Variants in SGK1 observed in about 807,000 individuals in gnomAD.
The protein encoded by SGK1 is serum/glucocorticoid regulated kinase 1.
In SGK1, 26 loss-of-function variants were observed where a neutral mutation model predicts 64.2. The ratio of observed to expected loss-of-function variants is 0.40; its 90% CI spans 0.30 to 0.56. SGK1 has a LOEUF of 0.56. Ranked by LOEUF, SGK1 falls within the 20% of genes least tolerant of loss-of-function variation. The pLI is 0.38. For synonymous variants in SGK1, 265 were observed against 239.7 expected (o/e 1.11, Z -0.98); for missense variants, 519 against 645.6 (o/e 0.80, Z 2.12).
rs768135465 is a variant in SGK1, at chr6:134,170,249, A to G, written c.*19T>C. 1.4e-5 allele frequency: 22 copies of G among 1,581,576 alleles called. No homozygotes were observed. The highest frequency in any genetic ancestry group is 3.4e-4 in the Middle Eastern group (2 of 5,898). ...CGGAAACACACATAAAATCCTTTAA[A>G]ACCAAGCCCTAACAGGGTTCAGAGG... On this transcript the variant is annotated 3_prime_UTR_variant, in exon 14 of 14. Coordinates refer to ENST00000367858, the MANE Select transcript of SGK1 (RefSeq NM_001143676.3).
chr6:134,239,448 G>A (rs1294953144), intron 2 of SGK1, among the ~76,000 whole-genome samples: 1 of 152,206 alleles, frequency 6.6e-6, no homozygotes, highest in Non-Finnish European at 1.5e-5. Flanking sequence ...TGCTACCTCT[G>A]TCTAACCTTT....
rs903305020 is a variant in SGK1, at chr6:134,248,755, C to G, written c.285+13178G>C. 4.6e-5 allele frequency among the ~76,000 whole-genome samples: 7 copies of G among 152,224 alleles called. No homozygotes were observed. The South Asian group carries it at 8.3e-4, about 18-fold the overall frequency. On this transcript the variant is annotated intron_variant, in intron 2 of 13. Coordinates refer to ENST00000367858, the MANE Select transcript of SGK1 (RefSeq NM_001143676.3). Reference sequence around the variant, plus strand: ...ACATAGAGAACTCCCTAACTCTGATCCAGGTAGGCTCTCCCTCATCAAGAG... The same window carrying G: ...ACATAGAGAACTCCCTAACTCTGATGCAGGTAGGCTCTCCCTCATCAAGAG...
Position 134,314,792 on chromosome 6 carries a change from G to GTT in SGK1, c.69+2598_69+2599dup, listed in dbSNP as rs61647029. Among the ~76,000 whole-genome samples the GTT allele has an allele frequency of 8.4e-3, 1,162 of 138,838 alleles. 15 individuals carry two copies. Among genetic ancestry groups the GTT allele is most frequent in the African/African-American group, 0.028 (1,068 of 37,850 alleles). The allele number at this position is 138,838 out of a possible 152,430, so 91.1% of individuals were successfully genotyped here. ...TTAATTAGCCCTAATAGACCCTATG[G>GTT]TTTTTTTTTTTTTTTTTCCAAAATC... is the stretch of plus-strand genomic sequence containing the variant. On this transcript the variant is annotated intron_variant, in intron 1 of 13. Transcript: ENST00000367858.
intron 1 of SGK1, among the ~76,000 whole-genome samples, chr6:134,301,995 G>A (rs1211087128): frequency 6.6e-6 from 1 of 152,174 alleles, no homozygotes; most frequent in Non-Finnish European, 1.5e-5. Context: ...ACAGAAGGAT[G>A]GAATGCCCTC....
At chr6:134,297,360 T>C in intron 1 of SGK1, 1 of 929,000 alleles carries the variant, frequency 1.1e-6, no homozygotes, top group Non-Finnish European at 1.7e-6. Context: ...GGCCTCCAGC[T>C]CAGACAGCTT....
intron 3 of SGK1, among the ~76,000 whole-genome samples, chr6:134,200,001 C>G (rs1434992858): frequency 6.6e-6 from 1 of 152,124 alleles, no homozygotes; most frequent in Non-Finnish European, 1.5e-5. Flanking sequence ...AATAATAGTA[C>G]TGGGGAAAAA....
intron 1 of SGK1, among the ~76,000 whole-genome samples, chr6:134,316,538 G>A (rs1321024029): frequency 2.0e-5 from 3 of 151,972 alleles, no homozygotes; most frequent in Non-Finnish European, 2.9e-5. Context: ...TAAATTTGCA[G>A]ATTTACACAG....
At chr6:134,191,692 G>A (rs1775512368) in intron 3 of SGK1, among the ~76,000 whole-genome samples, 1 of 149,996 alleles carries the variant, frequency 6.7e-6, no homozygotes, top group East Asian at 2.0e-4. Context: ...TTTTTGAGAC[G>A]AAGTCTCACT....
At chr6:134,200,750 A>G (rs763503873) in intron 3 of SGK1, among the ~76,000 whole-genome samples, 1 of 152,060 alleles carries the variant, frequency 6.6e-6, no homozygotes, top group Non-Finnish European at 1.5e-5. Flanking sequence ...CAAGAATACA[A>G]GAAATTAGCT....
intron 3 of SGK1, among the ~76,000 whole-genome samples, chr6:134,198,150 C>A (rs1386493407): frequency 6.6e-6 from 1 of 152,158 alleles, no homozygotes; most frequent in African/African-American, 2.4e-5. Context: ...ACTGATGACA[C>A]TATGAGACTT....
Position 134,171,348 on chromosome 6 carries a change from G to A in SGK1, c.1168-170C>T, listed in dbSNP as rs539693807. ...TATTTAAGTGTCTACTTTGCAACCC[G>A]TGTGTGTGTTTGTGTGTGTGTGTGT... On this transcript the variant is annotated intron_variant, in intron 11 of 13. Transcript: ENST00000367858. 6.5e-5 allele frequency: 44 copies of A among 679,552 alleles called. No individual in the cohort carries two copies. The East Asian group carries it at 8.9e-4, about 14-fold the overall frequency. The allele number at this position is 679,552 out of a possible 1,614,324, so 42.1% of individuals were successfully genotyped here.
At chr6:134,220,534 A>G (rs1776074061) in intron 2 of SGK1, among the ~76,000 whole-genome samples, 1 of 152,210 alleles carries the variant, frequency 6.6e-6, no homozygotes, top group Non-Finnish European at 1.5e-5. Context: ...AGAAAATTTA[A>G]GTAAAACTTA....
chr6:134,306,550 G>T (rs1777537747), intron 1 of SGK1, among the ~76,000 whole-genome samples: 1 of 152,004 alleles, frequency 6.6e-6, no homozygotes, highest in South Asian at 2.1e-4. Context: ...TAGAGACAGG[G>T]TCTCACTCTA....
intron 1 of SGK1, among the ~76,000 whole-genome samples, chr6:134,263,378 A>G (rs904325426): frequency 6.6e-6 from 1 of 151,036 alleles, no homozygotes; most frequent in African/African-American, 2.4e-5. Flanking sequence ...CTGAGACCAC[A>G]GGCTCGCACC....
At chr6:134,235,442 C>A (rs1302118727) in intron 2 of SGK1, among the ~76,000 whole-genome samples, 27 of 150,880 alleles carry the variant, frequency 1.8e-4, no homozygotes, top group African/African-American at 6.3e-4. Flanking sequence ...ACTTCAAACC[C>A]TGTTTAGAAA....
intron 3 of SGK1, among the ~76,000 whole-genome samples, chr6:134,202,020 A>C (rs1775694797): frequency 6.6e-6 from 1 of 152,216 alleles, no homozygotes; most frequent in South Asian, 2.1e-4. Flanking sequence ...CATCTTAAAG[A>C]ATATAGATTC....
chr6:134,204,591 T>G (rs1775738913), intron 3 of SGK1, among the ~76,000 whole-genome samples: 1 of 152,046 alleles, frequency 6.6e-6, no homozygotes, highest in South Asian at 2.1e-4. Flanking sequence ...TTCACTCTTT[T>G]TGCCCAGGCT....
At chr6:134,177,718 T>C in intron 3 of SGK1, 1 of 1,613,978 alleles carries the variant, frequency 6.2e-7, no homozygotes, top group Non-Finnish European at 8.5e-7. Flanking sequence ...CCCAAGGATA[T>C]GCAGGTTGGG....
intron 1 of SGK1, among the ~76,000 whole-genome samples, chr6:134,280,273 A>G (rs939082193): frequency 1.3e-5 from 2 of 151,590 alleles, no homozygotes; most frequent in Non-Finnish European, 2.9e-5. Context: ...CTGTATAAGG[A>G]CATATCTTCC....
Sources: allele counts gnomAD v4.1 joint callset (sites outside exome capture counted in the v4.1 genomes callset), GRCh38; gene constraint gnomAD v4.1.1; transcripts MANE v1.5; gene names NCBI Gene and HGNC (gene_info 2026-07-23, HGNC 2026-07-21).